GRID2: variants seen among roughly 807,000 people sequenced by gnomAD.
The protein encoded by GRID2 is glutamate ionotropic receptor delta type subunit 2.
In GRID2, 33 loss-of-function variants were observed where a neutral mutation model predicts 114.8. The observed-to-expected ratio is 0.29, with a 90% CI of 0.22 to 0.38. The LOEUF is 0.38. GRID2 is among the 10% of genes least tolerant of loss of function. The pLI, the probability that GRID2 is intolerant of heterozygous loss-of-function variation, is 1.00. For synonymous variants in GRID2, 505 were observed against 449.9 expected (o/e 1.12, Z -1.55); for missense variants, 1,184 against 1,257.7 (o/e 0.94, Z 0.89).
At chr4:93,533,120 G>A (rs889890349) in intron 13 of GRID2, among the ~76,000 whole-genome samples, 3 of 151,978 alleles carry the variant, frequency 2.0e-5, no homozygotes, top group Non-Finnish European at 2.9e-5. Flanking sequence ...CCCAACAGTT[G>A]TCCCACCTTT....
intron 12 of GRID2, among the ~76,000 whole-genome samples, chr4:93,507,566 T>A (rs1375314028): frequency 6.6e-6 from 1 of 152,226 alleles, no homozygotes; most frequent in Non-Finnish European, 1.5e-5. Flanking sequence ...AATCATGAAT[T>A]CTTTTACATA....
chr4:93,409,915 T>A (rs1199034940), intron 9 of GRID2, among the ~76,000 whole-genome samples: 1 of 152,200 alleles, frequency 6.6e-6, no homozygotes, highest in African/African-American at 2.4e-5. Flanking sequence ...TGAAAACAGA[T>A]TTATTACTTG....
chr4:93,009,754 T>C (rs1322374460), intron 2 of GRID2, among the ~76,000 whole-genome samples: 1 of 152,086 alleles, frequency 6.6e-6, no homozygotes, highest in African/African-American at 2.4e-5. Context: ...TCCAAGTATT[T>C]CTGGAAGATC....
chr4:92,751,542 C>T (rs77777866), intron 2 of GRID2, among the ~76,000 whole-genome samples: 1 of 152,104 alleles, frequency 6.6e-6, no homozygotes, highest in African/African-American at 2.4e-5. Flanking sequence ...TAGAAATAGA[C>T]AAGCTTAAAT....
At chr4:93,683,480 T>G (rs1442727333) in intron 14 of GRID2, among the ~76,000 whole-genome samples, 1 of 152,068 alleles carries the variant, frequency 6.6e-6, no homozygotes, top group African/African-American at 2.4e-5. Flanking sequence ...TGTAAATGCA[T>G]GTGATTTTGG....
chr4:92,725,775 TA>T (rs1206130874), intron 2 of GRID2, among the ~76,000 whole-genome samples: 1 of 152,142 alleles, frequency 6.6e-6, no homozygotes, highest in Non-Finnish European at 1.5e-5. Flanking sequence ...CTGAAAGCTT[TA>T]AAAAATGAAA....
At chr4:93,210,435 T>C (rs1206557138) in intron 5 of GRID2, among the ~76,000 whole-genome samples, 1 of 152,174 alleles carries the variant, frequency 6.6e-6, no homozygotes, top group Non-Finnish European at 1.5e-5. Context: ...TCTGTTCTGC[T>C]GCATTCATCT....
intron 12 of GRID2, among the ~76,000 whole-genome samples, chr4:93,497,114 A>G (rs947362226): frequency 2.0e-5 from 3 of 149,812 alleles, no homozygotes; most frequent in Non-Finnish European, 3.0e-5. Flanking sequence ...TTTAATTTCT[A>G]TTTTATTATT....
intron 3 of GRID2, among the ~76,000 whole-genome samples, chr4:93,090,861 C>T (rs776900980): frequency 6.6e-6 from 1 of 152,110 alleles, no homozygotes; most frequent in Non-Finnish European, 1.5e-5. Context: ...CAAATATTAC[C>T]TCCTATGTGA....
intron 1 of GRID2, among the ~76,000 whole-genome samples, chr4:92,330,579 G>A (rs1579190486): frequency 6.6e-6 from 1 of 152,214 alleles, no homozygotes; most frequent in South Asian, 2.1e-4. Flanking sequence ...TTTATTCATA[G>A]AGACAATAAT....
At chr4:92,612,876 A>G (rs113580920) in intron 2 of GRID2, among the ~76,000 whole-genome samples, 3,368 of 151,484 alleles carry the variant, frequency 0.022, 135 homozygotes, top group African/African-American at 0.077. Context: ...AAATAAATAC[A>G]TTTACAGTCC....
chr4:92,988,834 A>G (rs901919847), intron 2 of GRID2, among the ~76,000 whole-genome samples: 3 of 152,200 alleles, frequency 2.0e-5, no homozygotes, highest in Non-Finnish European at 4.4e-5. Context: ...TATTCACTCT[A>G]TTTGGGAACT....
chr4:92,634,121 A>AAAC (rs1358242293), intron 2 of GRID2, among the ~76,000 whole-genome samples: 1 of 151,570 alleles, frequency 6.6e-6, no homozygotes, highest in Non-Finnish European at 1.5e-5. Context: ...TTGCAAAAAA[A>AAAC]AAAACAACAA....
chr4:92,326,225 G>T (rs112600434), intron 1 of GRID2, among the ~76,000 whole-genome samples: 421 of 151,920 alleles, frequency 2.8e-3, no homozygotes, highest in Middle Eastern at 0.02. Context: ...ACTGATTAAA[G>T]GTCAGTAACT....
At chr4:92,486,877 C>T (rs1484784485) in intron 1 of GRID2, among the ~76,000 whole-genome samples, 2 of 151,940 alleles carry the variant, frequency 1.3e-5, no homozygotes, top group Middle Eastern at 3.2e-3. Context: ...TGCAATGATA[C>T]AGCTCAGAGA....
intron 7 of GRID2, among the ~76,000 whole-genome samples, chr4:93,225,504 A>G (rs560374758): frequency 6.6e-6 from 1 of 152,164 alleles, no homozygotes; most frequent in East Asian, 1.9e-4. Flanking sequence ...AAATTCTCCT[A>G]TACCCTTTAC....
At chr4:93,596,326 T>TC (rs1159326039) in intron 13 of GRID2, among the ~76,000 whole-genome samples, 1 of 152,188 alleles carries the variant, frequency 6.6e-6, no homozygotes, top group Non-Finnish European at 1.5e-5. Context: ...ACGCCTGCAG[T>TC]CCCAGCACTT....
At chr4:92,922,769 G>A (rs1027486913) in intron 2 of GRID2, among the ~76,000 whole-genome samples, 10 of 152,056 alleles carry the variant, frequency 6.6e-5, no homozygotes, top group East Asian at 1.9e-4. Flanking sequence ...TCTCACAAAC[G>A]TCATGCTGAA....
chr4:92,723,760 C>T (rs113951672), intron 2 of GRID2, among the ~76,000 whole-genome samples: 1 of 152,112 alleles, frequency 6.6e-6, no homozygotes, highest in Non-Finnish European at 1.5e-5. Context: ...GGAGAGATGG[C>T]TCAAAGCCTT....
Sources: allele counts gnomAD v4.1 joint callset (sites outside exome capture counted in the v4.1 genomes callset), GRCh38; gene constraint gnomAD v4.1.1; transcripts MANE v1.5; gene names NCBI Gene and HGNC (gene_info 2026-07-23, HGNC 2026-07-21).